LPP: variants seen among roughly 807,000 people sequenced by gnomAD.
LPP encodes the protein LIM domain containing preferred translocation partner in lipoma.
Under a neutral mutation model 60.4 loss-of-function variants are expected in LPP, and 38 were observed. That is an observed-to-expected ratio of 0.63 (90% confidence interval 0.49 to 0.83). The LOEUF (loss-of-function observed/expected upper bound fraction) is 0.83, where lower values mean the gene tolerates loss of function less well. Among genes scored for constraint, LPP ranks in the 40% least tolerant of loss-of-function variants. The pLI, the probability that LPP is intolerant of heterozygous loss-of-function variation, is 0.00. For synonymous variants in LPP, 328 were observed against 290.8 expected (o/e 1.13, Z -1.30); for missense variants, 902 against 783.6 (o/e 1.15, Z -1.80).
At chr3:188,383,256 A>T (rs541743078) in intron 3 of LPP, among the ~76,000 whole-genome samples, 25 of 152,286 alleles carry the variant, frequency 1.6e-4, no homozygotes, top group African/African-American at 5.8e-4. Flanking sequence ...CTGTTATGGT[A>T]CATTTGTTCC....
intron 1 of LPP, among the ~76,000 whole-genome samples, chr3:188,216,213 T>C (rs1713505116): frequency 6.6e-6 from 1 of 151,974 alleles, no homozygotes; most frequent in Non-Finnish European, 1.5e-5. Context: ...GTCTGTGGAA[T>C]AGTAGGCCAA....
intron 6 of LPP, among the ~76,000 whole-genome samples, chr3:188,607,116 GAC>G (rs34057522): frequency 0.18 from 23,127 of 129,126 alleles, 2,000 homozygotes; most frequent in East Asian, 0.21. Flanking sequence ...TCTTGGTGAA[GAC>G]ACACACACAC....
intron 7 of LPP, among the ~76,000 whole-genome samples, chr3:188,672,345 T>C (rs1164064802): frequency 1.3e-5 from 2 of 152,014 alleles, no homozygotes; most frequent in African/African-American, 2.4e-5. Context: ...AGTGCACCCA[T>C]ACCCCCATTC....
intron 10 of LPP, among the ~76,000 whole-genome samples, chr3:188,866,635 G>GA (rs1766683100): frequency 6.6e-6 from 1 of 152,094 alleles, no homozygotes; most frequent in African/African-American, 2.4e-5. Context: ...TTCTAATGAC[G>GA]AAAAAGCTGG....
At chr3:188,168,799 A>G (rs1720746380) in intron 1 of LPP, among the ~76,000 whole-genome samples, 1 of 152,262 alleles carries the variant, frequency 6.6e-6, no homozygotes, top group Non-Finnish European at 1.5e-5. Flanking sequence ...GTAAAATTTA[A>G]TAGAACTTCA....
At chr3:188,488,936 CAGTT>C (rs1807482701) in intron 5 of LPP, among the ~76,000 whole-genome samples, 1 of 152,148 alleles carries the variant, frequency 6.6e-6, no homozygotes, top group Non-Finnish European at 1.5e-5. Context: ...CGCGCCCGGC[CAGTT>C]AGTTTTATTC....
chr3:188,596,492 T>C (rs1840001694), intron 6 of LPP, among the ~76,000 whole-genome samples: 1 of 152,200 alleles, frequency 6.6e-6, no homozygotes. Context: ...CAACTCCATT[T>C]TGAAGAACAA....
chr3:188,643,498 G>A (rs1003592133), intron 7 of LPP, among the ~76,000 whole-genome samples: 1 of 152,196 alleles, frequency 6.6e-6, no homozygotes, highest in Non-Finnish European at 1.5e-5. Flanking sequence ...CTGAGAATGA[G>A]CATGTGTGAA....
At chr3:188,533,173 C>T (rs143099418) in intron 6 of LPP, among the ~76,000 whole-genome samples, 10 of 152,274 alleles carry the variant, frequency 6.6e-5, no homozygotes, top group African/African-American at 2.2e-4. Flanking sequence ...AGGGTGGAGT[C>T]TTGTGGTGCC....
At chr3:188,737,661 C>G (rs1364852028) in intron 8 of LPP, among the ~76,000 whole-genome samples, 1 of 152,140 alleles carries the variant, frequency 6.6e-6, no homozygotes, top group Non-Finnish European at 1.5e-5. Context: ...ACCTCAGCAC[C>G]AGGCTGAGTT....
chr3:188,788,590 G>A (rs558945376), intron 9 of LPP, among the ~76,000 whole-genome samples: 25 of 152,266 alleles, frequency 1.6e-4, no homozygotes, highest in Admixed American at 7.2e-4. Flanking sequence ...TCCCTAAGGG[G>A]AGGGTTGATG....
intron 1 of LPP, among the ~76,000 whole-genome samples, chr3:188,173,808 C>T (rs1009375246): frequency 6.6e-6 from 1 of 152,230 alleles, no homozygotes; most frequent in East Asian, 1.9e-4. Context: ...AAGCTGGAAG[C>T]CCAGAGAAGA....
At chr3:188,656,054 TG>T (rs1216316007) in intron 7 of LPP, among the ~76,000 whole-genome samples, 5 of 151,718 alleles carry the variant, frequency 3.3e-5, no homozygotes, top group Non-Finnish European at 7.4e-5. Flanking sequence ...TAGCCAGGCA[TG>T]GTGGTGCATG....
chr3:188,423,527 G>A (rs533236108), intron 4 of LPP, among the ~76,000 whole-genome samples: 9 of 152,156 alleles, frequency 5.9e-5, no homozygotes, highest in Middle Eastern at 3.4e-3. Context: ...CCACACTCTC[G>A]TCCACAATGG....
intron 5 of LPP, among the ~76,000 whole-genome samples, chr3:188,505,589 C>A (rs1370476437): frequency 3.3e-5 from 5 of 152,160 alleles, no homozygotes; most frequent in African/African-American, 1.2e-4. Context: ...ATCCCTAATT[C>A]TACTCATCAT....
intron 3 of LPP, among the ~76,000 whole-genome samples, chr3:188,351,232 A>AT (rs960522288): frequency 6.6e-6 from 1 of 152,148 alleles, no homozygotes; most frequent in Non-Finnish European, 1.5e-5. Context: ...CTCTCTGCCT[A>AT]TTGCTTGTTT....
intron 6 of LPP, among the ~76,000 whole-genome samples, chr3:188,535,518 A>G (rs1033498017): frequency 3.3e-5 from 5 of 152,244 alleles, no homozygotes; most frequent in African/African-American, 1.2e-4. Context: ...AATCTGTAAT[A>G]GATATAGAGT....
intron 6 of LPP, among the ~76,000 whole-genome samples, chr3:188,579,389 C>T (rs1407953159): frequency 1.3e-5 from 2 of 152,146 alleles, no homozygotes; most frequent in South Asian, 2.1e-4. Flanking sequence ...AGTAATGTGT[C>T]CTCTTTGGAA....
intron 7 of LPP, among the ~76,000 whole-genome samples, chr3:188,636,552 C>A (rs1205744468): frequency 6.6e-6 from 1 of 152,178 alleles, no homozygotes; most frequent in African/African-American, 2.4e-5. Context: ...GGGGAGCCCA[C>A]CACAGCTCAA....
Sources: gnomAD v4.1 joint callset for allele counts (sites outside exome capture counted in the v4.1 genomes callset) on GRCh38, gnomAD v4.1.1 for gene constraint, MANE v1.5 for transcripts, NCBI Gene and HGNC (gene_info 2026-07-23, HGNC 2026-07-21) for gene names.